BCAP29: variants seen among roughly 807,000 people sequenced by gnomAD.
BCAP29 encodes B cell receptor associated protein 29.
BCAP29 carries 34 observed loss-of-function variants against 31.8 expected under a neutral mutation model. That is an observed-to-expected ratio of 1.07 (90% CI 0.81 to 1.42). The LOEUF (loss-of-function observed/expected upper bound fraction) is 1.42. Among genes scored for constraint, BCAP29 ranks in the 40% most tolerant of loss-of-function variants. BCAP29 has a pLI of 0.00. For missense variants in BCAP29, 314 were observed against 269.2 expected (o/e 1.17, Z -1.16); for synonymous variants, 104 against 91.3 (o/e 1.14, Z -0.79).
intron 7 of BCAP29, among the ~76,000 whole-genome samples, chr7:107,616,654 T>G (rs1459490749): frequency 6.6e-6 from 1 of 152,186 alleles, no homozygotes; most frequent in Non-Finnish European, 1.5e-5. Flanking sequence ...ATTTTTTTCC[T>G]TCACCTACCC....
At chr7:107,600,321 C>G in intron 5 of BCAP29, 76 bp from the exon 6 acceptor site, 1 of 877,248 alleles carries the variant, frequency 1.1e-6, no homozygotes, top group East Asian at 2.4e-5. Flanking sequence ...AGATAGGTTA[C>G]TCAGCTTATT....
chr7:107,601,014 TC>T (rs1204217111), intron 6 of BCAP29, among the ~76,000 whole-genome samples: 5 of 152,304 alleles, frequency 3.3e-5, no homozygotes, highest in Admixed American at 1.3e-4. Flanking sequence ...AGTGCCTCCT[TC>T]CCACATAACA....
At chr7:107,594,296 C>T (rs936545091) in intron 4 of BCAP29, 191 bp downstream of exon 4, 1 of 559,128 alleles carries the variant, frequency 1.8e-6, no homozygotes, top group Non-Finnish European at 3.1e-6. Context: ...TCAAGTGATC[C>T]TGCCTCTTCA....
intron 3 of BCAP29, among the ~76,000 whole-genome samples, chr7:107,593,144 C>G (rs1478793847): frequency 3.9e-5 from 6 of 152,170 alleles, no homozygotes; most frequent in Admixed American, 3.9e-4. Flanking sequence ...CCTTGTGTGG[C>G]AATAACTCTT....
intron 3 of BCAP29, 78 bp downstream of exon 3, chr7:107,584,060 AC>A (rs1390265378): frequency 1.3e-6 from 1 of 796,626 alleles, no homozygotes; most frequent in Non-Finnish European, 1.9e-6. Context: ...AGTTGATGTT[AC>A]AATTGGTGTA....
chr7:107,608,099 A>G (rs1812443673), intron 6 of BCAP29, among the ~76,000 whole-genome samples: 1 of 152,092 alleles, frequency 6.6e-6, no homozygotes, highest in Non-Finnish European at 1.5e-5. Context: ...TCTGAACTGT[A>G]AAGTTCCTCT....
intron 3 of BCAP29, chr7:107,587,390 ATAT>A (rs911389859): frequency 1.3e-5 from 2 of 152,178 alleles, no homozygotes; most frequent in African/African-American, 4.8e-5. Flanking sequence ...AACCTTTTTA[ATAT>A]TATTGGTTAA....
intron 3 of BCAP29, among the ~76,000 whole-genome samples, chr7:107,589,802 T>C (rs1039295410): frequency 6.6e-6 from 1 of 151,852 alleles, no homozygotes; most frequent in Non-Finnish European, 1.5e-5. Flanking sequence ...ATTGGAATCA[T>C]ATAGAGTATG....
At chr7:107,611,582 A>G (rs1813136920) in intron 6 of BCAP29, among the ~76,000 whole-genome samples, 1 of 152,186 alleles carries the variant, frequency 6.6e-6, no homozygotes. Context: ...ACCATGCATC[A>G]TATTTTCAAG....
At chr7:107,596,590 C>T (rs186405464) in intron 5 of BCAP29, among the ~76,000 whole-genome samples, 2 of 152,242 alleles carry the variant, frequency 1.3e-5, no homozygotes, top group East Asian at 1.9e-4. Context: ...CTCAAAAGCA[C>T]GCAGCCTTGT....
At chr7:107,612,678 T>A (rs1469678735) in intron 6 of BCAP29, among the ~76,000 whole-genome samples, 1 of 151,970 alleles carries the variant, frequency 6.6e-6, no homozygotes, top group Non-Finnish European at 1.5e-5. Flanking sequence ...GGCCTCTGGA[T>A]GCCCTGAGAA....
chr7:107,618,468 AT>A lies in BCAP29; in HGVS notation c.*112del. 1 of 1,613,040 alleles carries A rather than the reference AT, an allele frequency of 6.2e-7. No individual in the cohort carries two copies. The highest frequency in any genetic ancestry group is 8.5e-7 in the Non-Finnish European group (1 of 1,179,344). Reference sequence around the variant, plus strand: ...AAAAATGCACTATGACCGGTTCGTAATTTTTTTAATGCCACACATAGGTTGT... The same window carrying A: ...AAAAATGCACTATGACCGGTTCGTAATTTTTTAATGCCACACATAGGTTGT... On this transcript the variant is annotated 3_prime_UTR_variant, in exon 8 of 8. Coordinates refer to ENST00000005259, the MANE Select transcript of BCAP29 (RefSeq NM_018844.4).
intron 5 of BCAP29, among the ~76,000 whole-genome samples, chr7:107,597,096 A>G (rs79489557): frequency 0.024 from 3,586 of 152,318 alleles, 143 homozygotes; most frequent in African/African-American, 0.081. Flanking sequence ...TGCCCAGAGT[A>G]TAACTAATTG....
chr7:107,618,656 T>C lies in BCAP29; in HGVS notation c.*293T>C, dbSNP rs1585266562. On this transcript the variant is annotated 3_prime_UTR_variant, in exon 8 of 8. Coordinates refer to ENST00000005259, the MANE Select transcript of BCAP29 (RefSeq NM_018844.4). ...TTTACCAATAAAAGGAAAAAATTCATTAACCGGTTGCTTCCAAAATTAGAA... is the reference window on the plus strand; with the variant it reads ...TTTACCAATAAAAGGAAAAAATTCACTAACCGGTTGCTTCCAAAATTAGAA... 1 of 1,379,942 alleles carries C rather than the reference T, an allele frequency of 7.2e-7. No homozygotes were observed. Among genetic ancestry groups the C allele is most frequent in the East Asian group, 2.3e-5 (1 of 43,170 alleles). 85.5% of individuals were successfully genotyped at this position (1,379,942 alleles called of 1,614,324 possible). A position where few individuals can be genotyped will look rare whatever the true frequency, so the allele number is the denominator to read the frequency against.
chr7:107,617,586 A>G (rs10228411), intron 7 of BCAP29, among the ~76,000 whole-genome samples: 4,088 of 152,312 alleles, frequency 0.027, 188 homozygotes, highest in African/African-American at 0.092. Flanking sequence ...GGACTTGTCC[A>G]TAATAGCTTC....
At chr7:107,603,663 T>C (rs1195541918) in intron 6 of BCAP29, among the ~76,000 whole-genome samples, 3 of 148,084 alleles carry the variant, frequency 2.0e-5, no homozygotes, top group African/African-American at 7.6e-5. Flanking sequence ...GGGAGTGCAG[T>C]GGTGCAGTCT....
intron 7 of BCAP29, among the ~76,000 whole-genome samples, chr7:107,617,107 T>C (rs1354849166): frequency 6.6e-6 from 1 of 152,146 alleles, no homozygotes; most frequent in Non-Finnish European, 1.5e-5. Context: ...CAAAAGATAG[T>C]TACAGATCCT....
intron 5 of BCAP29, among the ~76,000 whole-genome samples, chr7:107,597,532 T>G (rs1810083202): frequency 6.6e-6 from 1 of 152,222 alleles, no homozygotes; most frequent in Non-Finnish European, 1.5e-5. Flanking sequence ...ATAGTTAACA[T>G]TGTGCCAGGT....
rs1385772689 is a variant in BCAP29 at position 107,615,299 on chromosome 7, C to T, written c.690+1867C>T. ...CATTCTTGGTAAAGGAAGTAGAAAG[C>T]TTTTAAGAGTGATTCCTGGCTGAGC... On this transcript the variant is annotated intron_variant, in intron 7 of 7. Transcript: ENST00000005259. 3 of 456,544 alleles carry T rather than the reference C, an allele frequency of 6.6e-6. No homozygotes were observed. In the Admixed American group the frequency reaches 7.1e-5, roughly 11 times the overall value. The allele number at this position is 456,544 out of a possible 1,614,324, so 28.3% of individuals were successfully genotyped here. A position where few individuals can be genotyped will look rare whatever the true frequency, so the allele number is the denominator to read the frequency against.
Sources: gnomAD v4.1 joint callset for allele counts (sites outside exome capture counted in the v4.1 genomes callset) on GRCh38, gnomAD v4.1.1 for gene constraint, MANE v1.5 for transcripts, NCBI Gene and HGNC (gene_info 2026-07-23, HGNC 2026-07-21) for gene names.